Variants in IL1RAPL1 observed in about 807,000 individuals in gnomAD.
IL1RAPL1 encodes the protein interleukin-1 receptor accessory protein-like 1.
A neutral mutation model predicts 48.4 loss-of-function variants in IL1RAPL1; 3 were observed. The ratio of observed to expected loss-of-function variants is 0.06; its 90% CI spans 0.03 to 0.16. The LOEUF is 0.16. Ranked by LOEUF, IL1RAPL1 falls within the 10% of genes least tolerant of loss-of-function variation. The probability of loss-of-function intolerance (pLI) is 1.00; values close to 1 mark genes in which losing one functional copy is unlikely to be tolerated. For synonymous variants in IL1RAPL1, 185 were observed against 187.7 expected, an observed-to-expected ratio of 0.99 and a Z score of 0.12; for missense variants, 349 against 530.6, an observed-to-expected ratio of 0.66 and a Z score of 3.36.
chrX:29,889,150 T>C (rs1601868551), intron 6 of IL1RAPL1, among the ~76,000 whole-genome samples: 1 of 112,180 alleles, frequency 8.9e-6, no homozygotes, highest in East Asian at 2.8e-4. Flanking sequence ...TCATGTTTTT[T>C]TGTGTGCCAG....
intron 2 of IL1RAPL1, among the ~76,000 whole-genome samples, chrX:29,228,332 A>AATGTGT (rs777963523): frequency 0.062 from 4,934 of 79,447 alleles, 253 homozygotes; most frequent in African/African-American, 0.13. Context: ...AGTTTTGCCT[A>AATGTGT]GTGTGTGTGT....
chrX:29,431,864 C>G (rs1934426616), intron 5 of IL1RAPL1, among the ~76,000 whole-genome samples: 1 of 111,143 alleles, frequency 9.0e-6, no homozygotes, highest in African/African-American at 3.3e-5. Context: ...AAGGAGCCCC[C>G]TTAAATGTGT....
intron 6 of IL1RAPL1, among the ~76,000 whole-genome samples, chrX:29,802,102 G>C (rs1165037312): frequency 9.0e-6 from 1 of 111,721 alleles, no homozygotes; most frequent in East Asian, 2.8e-4. Context: ...TGTTTGATTT[G>C]GTGGGGGCCA....
At chrX:28,870,185 A>G (rs1255982783) in intron 2 of IL1RAPL1, among the ~76,000 whole-genome samples, 6 of 111,449 alleles carry the variant, frequency 5.4e-5, no homozygotes, top group African/African-American at 2.0e-4. Context: ...TAGTGCTGCT[A>G]TAAACATTTG....
chrX:29,091,541 A>C (rs975766922), intron 2 of IL1RAPL1, among the ~76,000 whole-genome samples: 2 of 111,941 alleles, frequency 1.8e-5, no homozygotes, highest in African/African-American at 6.5e-5. Flanking sequence ...GGAAAGAATA[A>C]AACATTTGAT....
chrX:28,969,282 T>C (rs1391055517), intron 2 of IL1RAPL1, among the ~76,000 whole-genome samples: 1 of 111,998 alleles, frequency 8.9e-6, no homozygotes, highest in Non-Finnish European at 1.9e-5. Context: ...TTAATTGTGT[T>C]ATTCCAGATT....
chrX:28,625,737 C>CGTGTGTGTGTGTGTGTGTGTGTGTGT (rs112613600), intron 1 of IL1RAPL1, among the ~76,000 whole-genome samples: 3 of 99,294 alleles, frequency 3.0e-5, no homozygotes, highest in Non-Finnish European at 4.1e-5. Context: ...AATCAAAATG[C>CGTGTGTGTGTGTGTGTGTGTGTGTGT]GTGTGTGTGT....
intron 3 of IL1RAPL1, among the ~76,000 whole-genome samples, chrX:29,328,313 G>A (rs1402908417): frequency 9.0e-6 from 1 of 111,525 alleles, no homozygotes; most frequent in African/African-American, 3.3e-5. Flanking sequence ...TAGAACAATG[G>A]AAAGAGTGGT....
At chrX:29,604,896 T>A (rs1923837721) in intron 5 of IL1RAPL1, among the ~76,000 whole-genome samples, 1 of 110,783 alleles carries the variant, frequency 9.0e-6, no homozygotes, top group South Asian at 3.8e-4. Flanking sequence ...CCATAACCCA[T>A]GTGCTTTCAG....
At chrX:28,729,282 C>A (rs1351509586) in intron 1 of IL1RAPL1, among the ~76,000 whole-genome samples, 1 of 111,274 alleles carries the variant, frequency 9.0e-6, no homozygotes, top group Non-Finnish European at 1.9e-5. Flanking sequence ...CAGTTAAGTA[C>A]AAATTTAATA....
In IL1RAPL1 at chrX:28,969,699, AT is replaced by A. The variant is rs760681630; in HGVS notation, c.82+180282del. ...TCCACCGTTTTTCTCCCTAGTGTTA[AT>A]TTTTTTTAATACTAAGAAATTGTAT... On this transcript the variant is annotated intron_variant, in intron 2 of 10. Coordinates refer to ENST00000378993, the MANE Select transcript of IL1RAPL1 (RefSeq NM_014271.4). Among the ~76,000 whole-genome samples, 472 of 108,674 alleles carry A rather than the reference AT, an allele frequency of 4.3e-3. 17 individuals are homozygous for A. Among genetic ancestry groups the A allele is most frequent in the Admixed American group, 0.042 (419 of 10,016 alleles). The allele number at this position is 108,674 out of a possible 115,157, so 94.4% of individuals were successfully genotyped here.
intron 6 of IL1RAPL1, among the ~76,000 whole-genome samples, chrX:29,741,922 CAAAAAAAAAAAAGA>C (rs1928212413): frequency 7.8e-5 from 2 of 25,738 alleles, no homozygotes; most frequent in Admixed American, 7.0e-4. Context: ...GAGACTCCGT[CAAAAAAAAAAAAGA>C]AAAAAAAAAA....
intron 2 of IL1RAPL1, among the ~76,000 whole-genome samples, chrX:28,897,662 T>A (rs764182377): frequency 3.6e-5 from 4 of 112,069 alleles, no homozygotes; most frequent in Non-Finnish European, 7.5e-5. Flanking sequence ...GACAGGGGAT[T>A]GATCTCCCAA....
intron 1 of IL1RAPL1, among the ~76,000 whole-genome samples, chrX:28,660,866 A>G (rs1934814417): frequency 8.9e-6 from 1 of 112,250 alleles, no homozygotes; most frequent in Admixed American, 9.5e-5. Context: ...AGTATAATTT[A>G]AAAATAGTTT....
At chrX:29,352,462 A>G (rs771325346) in intron 3 of IL1RAPL1, among the ~76,000 whole-genome samples, 22 of 111,712 alleles carry the variant, frequency 2.0e-4, no homozygotes, top group African/African-American at 7.1e-4. Context: ...CATCCAAGTA[A>G]TAAGAATTTG....
chrX:28,820,648 C>T (rs1339597731), intron 2 of IL1RAPL1, among the ~76,000 whole-genome samples: 1 of 111,230 alleles, frequency 9.0e-6, no homozygotes, highest in East Asian at 2.8e-4. Context: ...AACTACATAA[C>T]CAATGGAAAA....
rs554599263 is a variant in IL1RAPL1 at position 29,917,006 on chromosome X, T to C, written c.779-458T>C. On this transcript the variant is annotated intron_variant, in intron 6 of 10. Coordinates refer to ENST00000378993, the MANE Select transcript of IL1RAPL1 (RefSeq NM_014271.4). ...TAGGATCTTGCGTTTATGGTTCCTT[T>C]TTCTTTGCAGCCAAAGATTTTCTAT... 3.6e-5 allele frequency among the ~76,000 whole-genome samples: 4 copies of C among 112,540 alleles called. No homozygotes were observed. The Admixed American group carries it at 3.8e-4, about 11-fold the overall frequency.
At chrX:28,938,636 ATG>A in intron 2 of IL1RAPL1, among the ~76,000 whole-genome samples, 1 of 111,796 alleles carries the variant, frequency 8.9e-6, no homozygotes, top group East Asian at 2.8e-4. Flanking sequence ...CATGACAAAG[ATG>A]CCAAAAGCAA....
chrX:29,240,195 C>CACACATATATATATATATAT (rs1555979978), intron 2 of IL1RAPL1, among the ~76,000 whole-genome samples: 1 of 27,226 alleles, frequency 3.7e-5, no homozygotes, highest in African/African-American at 2.1e-4. Flanking sequence ...CACACACACA[C>CACACATATATATATATATAT]ATATATATAT....
Sources: allele counts gnomAD v4.1 joint callset (sites outside exome capture counted in the v4.1 genomes callset), GRCh38; gene constraint gnomAD v4.1.1; transcripts MANE v1.5; gene names NCBI Gene and HGNC (gene_info 2026-07-23, HGNC 2026-07-21).